SGCZ: variants seen among roughly 807,000 people sequenced by gnomAD.
The protein encoded by SGCZ is zeta-sarcoglycan.
In SGCZ, 40 loss-of-function variants were observed where a neutral mutation model predicts 41.3. The ratio of observed to expected loss-of-function variants is 0.97; its 90% confidence interval spans 0.75 to 1.26. The LOEUF is 1.26. Among genes scored for constraint, SGCZ ranks in the 50% most tolerant of loss-of-function variants. SGCZ has a pLI of 0.00. For synonymous variants in SGCZ, 206 were observed against 137.5 expected (o/e 1.50, Z -3.49); for missense variants, 552 against 369.8 (o/e 1.49, Z -4.04).
At chr8:14,408,947 AAGAG>A (rs1165889500) in intron 2 of SGCZ, among the ~76,000 whole-genome samples, 3 of 84,054 alleles carry the variant, frequency 3.6e-5, no homozygotes, top group African/African-American at 9.0e-5. Flanking sequence ...TTTTTAAATT[AAGAG>A]AGTGTGTGTG....
At chr8:14,966,868 G>T (rs1396145244) in intron 1 of SGCZ, among the ~76,000 whole-genome samples, 1 of 152,152 alleles carries the variant, frequency 6.6e-6, no homozygotes, top group Non-Finnish European at 1.5e-5. Flanking sequence ...CGGGAAAGCT[G>T]TAAATTTAAA....
intron 3 of SGCZ, among the ~76,000 whole-genome samples, chr8:14,272,162 C>G (rs971539428): frequency 6.6e-6 from 1 of 152,134 alleles, no homozygotes; most frequent in Non-Finnish European, 1.5e-5. Flanking sequence ...TGCCACCATG[C>G]CCAGCTAATT....
intron 6 of SGCZ, among the ~76,000 whole-genome samples, chr8:14,106,526 G>A (rs965168330): frequency 6.6e-6 from 1 of 152,118 alleles, no homozygotes; most frequent in Non-Finnish European, 1.5e-5. Flanking sequence ...GAGAAACTGA[G>A]TTGTTTAGGA....
intron 1 of SGCZ, among the ~76,000 whole-genome samples, chr8:15,004,965 G>A (rs1802551488): frequency 6.6e-6 from 1 of 152,118 alleles, no homozygotes; most frequent in South Asian, 2.1e-4. Flanking sequence ...ATCTATGCAT[G>A]TATTTTTCTA....
At chr8:14,506,456 CAAAT>C (rs1262688328) in intron 2 of SGCZ, among the ~76,000 whole-genome samples, 1 of 151,384 alleles carries the variant, frequency 6.6e-6, no homozygotes, top group Admixed American at 6.6e-5. Context: ...AATAACCAAA[CAAAT>C]AAACAAAGAA....
At chr8:14,731,517 T>G (rs1810238862) in intron 1 of SGCZ, among the ~76,000 whole-genome samples, 1 of 152,096 alleles carries the variant, frequency 6.6e-6, no homozygotes, top group South Asian at 2.1e-4. Flanking sequence ...ACATGTATCC[T>G]ACAACTTAAA....
chr8:14,654,738 A>ATT (rs143183510), intron 1 of SGCZ, among the ~76,000 whole-genome samples: 3 of 146,306 alleles, frequency 2.1e-5, no homozygotes, highest in African/African-American at 5.0e-5. Context: ...TGCCCAGCTA[A>ATT]TTTTTTTTTT....
chr8:14,596,442 C>T (rs191158293), intron 1 of SGCZ, among the ~76,000 whole-genome samples: 4 of 152,050 alleles, frequency 2.6e-5, no homozygotes, highest in Admixed American at 6.6e-5. Flanking sequence ...GGATAATTAG[C>T]ATTTTGACAT....
At chr8:14,455,698 C>T (rs941150440) in intron 2 of SGCZ, among the ~76,000 whole-genome samples, 3 of 152,130 alleles carry the variant, frequency 2.0e-5, no homozygotes, top group African/African-American at 4.8e-5. Context: ...AGAGGCAATG[C>T]AAATGACCAT....
chr8:14,733,612 T>C (rs898725006), intron 1 of SGCZ, among the ~76,000 whole-genome samples: 1 of 152,190 alleles, frequency 6.6e-6, no homozygotes, highest in African/African-American at 2.4e-5. Context: ...TTTGTGAGAT[T>C]TTATATCTTA....
chr8:15,129,386 T>G (rs767837323), intron 1 of SGCZ, among the ~76,000 whole-genome samples: 1 of 152,126 alleles, frequency 6.6e-6, no homozygotes, highest in Non-Finnish European at 1.5e-5. Flanking sequence ...CTTCCTATCC[T>G]CAAACTCATT....
intron 1 of SGCZ, among the ~76,000 whole-genome samples, chr8:14,743,164 C>T (rs190281851): frequency 6.6e-6 from 1 of 151,944 alleles, no homozygotes; most frequent in Non-Finnish European, 1.5e-5. Flanking sequence ...TTAGTGAATG[C>T]CCCCAAATTT....
chr8:14,813,011 G>T (rs1801780952), intron 1 of SGCZ, among the ~76,000 whole-genome samples: 1 of 152,108 alleles, frequency 6.6e-6, no homozygotes, highest in African/African-American at 2.4e-5. Context: ...TAAATCTGAA[G>T]AGAGTCTAAA....
At chr8:14,451,129 G>A (rs1800580865) in intron 2 of SGCZ, among the ~76,000 whole-genome samples, 1 of 151,992 alleles carries the variant, frequency 6.6e-6, no homozygotes, top group Admixed American at 6.6e-5. Context: ...TTAAAAGCAG[G>A]GTTTCCTTTA....
intron 3 of SGCZ, among the ~76,000 whole-genome samples, chr8:14,247,985 G>A (rs62500200): frequency 0.21 from 32,219 of 152,142 alleles, 4,531 homozygotes; most frequent in Non-Finnish European, 0.31. Context: ...TAAAGCAAAC[G>A]ACTAAGGTAA....
chr8:14,426,844 A>G (rs1043792104), intron 2 of SGCZ, among the ~76,000 whole-genome samples: 1 of 152,178 alleles, frequency 6.6e-6, no homozygotes. Flanking sequence ...AAGGGATTGA[A>G]TGGATCAAAA....
At chr8:14,202,308 CTTAGAGTGGAACA>C (rs1805480149) in intron 4 of SGCZ, among the ~76,000 whole-genome samples, 1 of 152,126 alleles carries the variant, frequency 6.6e-6, no homozygotes, top group Non-Finnish European at 1.5e-5. Context: ...CTCCACAATT[CTTAGAGTGGAACA>C]CAGTCCTGCT....
At chr8:14,453,017 C>T (rs538834803) in intron 2 of SGCZ, among the ~76,000 whole-genome samples, 1 of 152,016 alleles carries the variant, frequency 6.6e-6, no homozygotes, top group Non-Finnish European at 1.5e-5. Context: ...GCACAAGAAT[C>T]GCTTGAACCC....
At chr8:14,266,195 C>G (rs1799858798) in intron 3 of SGCZ, among the ~76,000 whole-genome samples, 1 of 152,050 alleles carries the variant, frequency 6.6e-6, no homozygotes. Context: ...CTCTCAAAGT[C>G]TGGAAGATTA....
Sources: gnomAD v4.1 joint callset for allele counts (sites outside exome capture counted in the v4.1 genomes callset) on GRCh38, gnomAD v4.1.1 for gene constraint, MANE v1.5 for transcripts, NCBI Gene and HGNC (gene_info 2026-07-23, HGNC 2026-07-21) for gene names.